Variants in CDK13 observed in about 807,000 individuals in gnomAD.
CDK13 encodes cyclin-dependent kinase 13.
CDK13 carries 40 observed loss-of-function variants against 137.6 expected under a neutral mutation model. The ratio of observed to expected loss-of-function variants is 0.29; its 90% confidence interval spans 0.23 to 0.38. CDK13 has a LOEUF of 0.38. Ranked by LOEUF, CDK13 falls within the 10% of genes least tolerant of loss-of-function variation. The pLI is 1.00. For missense variants in CDK13, 1,704 were observed against 1,951.8 expected (o/e 0.87, Z 2.39); for synonymous variants, 869 against 760.1 (o/e 1.14, Z -2.36).
At chr7:39,997,458 TTTTTG>T (rs1270676608) in intron 2 of CDK13, 31 bp from the exon 3 acceptor site, 1 of 1,555,512 alleles carries the variant, frequency 6.4e-7, no homozygotes, top group Non-Finnish European at 8.7e-7. Context: ...GTCAACAAAA[TTTTTG>T]TTTTATTTGT....
intron 1 of CDK13, among the ~76,000 whole-genome samples, chr7:39,969,113 G>T (rs574097297): frequency 6.6e-6 from 1 of 152,006 alleles, no homozygotes; most frequent in Admixed American, 6.6e-5. Flanking sequence ...AGGTTCAAGC[G>T]ATTCCCCTGT....
intron 9 of CDK13, among the ~76,000 whole-genome samples, chr7:40,075,786 A>T (rs1786532961): frequency 6.6e-6 from 1 of 152,076 alleles, no homozygotes; most frequent in African/African-American, 2.4e-5. Flanking sequence ...AGGTGGGAGG[A>T]TCACTTGAAG....
chr7:40,028,696 T>C (rs1442042242), intron 5 of CDK13, among the ~76,000 whole-genome samples: 1 of 152,210 alleles, frequency 6.6e-6, no homozygotes, highest in African/African-American at 2.4e-5. Context: ...CAACTTTTAT[T>C]GAATTTTAAA....
intron 5 of CDK13, among the ~76,000 whole-genome samples, chr7:40,029,612 C>T (rs1003125610): frequency 1.3e-5 from 2 of 150,344 alleles, no homozygotes; most frequent in East Asian, 2.0e-4. Flanking sequence ...TTCAGTTTCT[C>T]GGGAGGCTGA....
intron 5 of CDK13, among the ~76,000 whole-genome samples, chr7:40,030,043 C>G (rs950396278): frequency 3.9e-5 from 6 of 152,106 alleles, no homozygotes; most frequent in East Asian, 3.9e-4. Flanking sequence ...CATCCCCTAC[C>G]CCTTTTGCTC....
In CDK13 at chr7:40,011,812, CT is replaced by C. The variant is rs543932842; in HGVS notation, c.2353+9784del. Among the ~76,000 whole-genome samples, 145 of 152,162 alleles carry C rather than the reference CT, an allele frequency of 9.5e-4. 2 individuals are homozygous for C. The highest frequency in any genetic ancestry group is 3.3e-3 in the Admixed American group (51 of 15,286). On this transcript the variant is annotated intron_variant, in intron 5 of 13. Transcript: ENST00000181839. ...GAACTTCATCAAAATTACTTTTGTC[CT>C]TTAGGTGGATACTATCATCAGCATG...
intron 1 of CDK13, among the ~76,000 whole-genome samples, chr7:39,961,487 T>C (rs1783723192): frequency 6.6e-6 from 1 of 152,082 alleles, no homozygotes; most frequent in Non-Finnish European, 1.5e-5. Flanking sequence ...TTGATCAACA[T>C]CTCCCTTTCC....
intron 1 of CDK13, among the ~76,000 whole-genome samples, chr7:39,983,113 G>T (rs1784264323): frequency 6.6e-6 from 1 of 152,274 alleles, no homozygotes; most frequent in South Asian, 2.1e-4. Context: ...GTCCTGAATG[G>T]TAATGCCTAG....
intron 1 of CDK13, among the ~76,000 whole-genome samples, chr7:39,978,822 A>G (rs190161053): frequency 1.3e-5 from 2 of 152,320 alleles, no homozygotes; most frequent in African/African-American, 2.4e-5. Flanking sequence ...TCTAGAGAGT[A>G]TGAGATTGAT....
At chr7:39,984,408 CA>C (rs1359399147) in intron 1 of CDK13, 5,391 of 96,050 alleles carry the variant, frequency 0.056, 107 homozygotes, top group African/African-American at 0.11. Context: ...GACCCTGTTT[CA>C]AAAAAAAAAA....
chr7:40,078,802 C>T lies in CDK13; in HGVS notation c.2980C>T (p.Gln994Ter). 6.5e-7 allele frequency: 1 copy of T among 1,536,192 alleles called. No individual in the cohort carries two copies. The highest frequency in any genetic ancestry group is 8.8e-7 in the Non-Finnish European group (1 of 1,137,522). The change falls in exon 11 of 14, where the codon CAG (glutamine) becomes TAG (stop). Residue 994 changes from glutamine (Q) to a stop codon, truncating the protein, a stop_gained. Coordinates refer to ENST00000181839, the MANE Select transcript of CDK13 (RefSeq NM_003718.5). LOFTEE classifies it high-confidence loss of function. ...SKRCTAEQAL[Q>*]CEFLRDVEPS... ...GCGCTGCACTGCTGAACAGGCTCTT[C>T]AGTGCGAGTTCCTCCGAGATGTGGA...
At chr7:39,974,986 GTAGT>G (rs758336344) in intron 1 of CDK13, among the ~76,000 whole-genome samples, 2 of 152,070 alleles carry the variant, frequency 1.3e-5, no homozygotes, top group African/African-American at 2.4e-5. Flanking sequence ...TATTCGCAAA[GTAGT>G]TAGCTGCAGA....
At chr7:40,019,828 A>G (rs566989287) in intron 5 of CDK13, among the ~76,000 whole-genome samples, 58 of 152,240 alleles carry the variant, frequency 3.8e-4, no homozygotes, top group African/African-American at 1.4e-3. Context: ...ACCCAGAGAT[A>G]AGGGCAGGGT....
rs752420278 is a variant in CDK13 at position 40,096,771 on chromosome 7, G to A, written c.*1791G>A. The A allele has an allele frequency of 3.9e-5, 6 of 152,162 alleles. No individual in the cohort carries two copies. Among genetic ancestry groups the A allele is most frequent in the Non-Finnish European group, 8.8e-5 (6 of 67,964 alleles). The allele number at this position is 152,162 out of a possible 1,614,324, so 9.4% of individuals were successfully genotyped here. On this transcript the variant is annotated 3_prime_UTR_variant, in exon 14 of 14. Coordinates refer to ENST00000181839, the MANE Select transcript of CDK13 (RefSeq NM_003718.5). ...TTACCATTTTACTACTATAAAATAAGTTGATATCAGTTGACCATTTTATTT... is the reference window on the plus strand; with the variant it reads ...TTACCATTTTACTACTATAAAATAAATTGATATCAGTTGACCATTTTATTT...
chr7:39,966,545 TG>T (rs1783875960), intron 1 of CDK13, among the ~76,000 whole-genome samples: 1 of 152,162 alleles, frequency 6.6e-6, no homozygotes, highest in South Asian at 2.1e-4. Flanking sequence ...TTCTTTGCCA[TG>T]GGTTCGAATT....
intron 5 of CDK13, among the ~76,000 whole-genome samples, chr7:40,041,582 TGTGGCTA>T (rs895296087): frequency 6.6e-6 from 1 of 152,210 alleles, no homozygotes; most frequent in African/African-American, 2.4e-5. Context: ...ATTAGCCACA[TGTGGCTA>T]GTGGCTAGTA....
intron 1 of CDK13, among the ~76,000 whole-genome samples, chr7:39,980,386 A>G (rs1009838966): frequency 1.3e-5 from 2 of 151,738 alleles, no homozygotes; most frequent in African/African-American, 2.4e-5. Flanking sequence ...AATTTGAAAC[A>G]AGGAGATGAA....
At chr7:40,082,760 C>G (rs1786694747) in intron 11 of CDK13, among the ~76,000 whole-genome samples, 3 of 147,094 alleles carry the variant, frequency 2.0e-5, no homozygotes, top group Non-Finnish European at 4.5e-5. Flanking sequence ...CGCTGCACTC[C>G]AGCCTGGGTG....
At chr7:39,959,411 T>G (rs13241453) in intron 1 of CDK13, among the ~76,000 whole-genome samples, 40,558 of 151,840 alleles carry the variant, frequency 0.27, 6,573 homozygotes, top group Middle Eastern at 0.44. Flanking sequence ...TCCACCCGCT[T>G]CAGCCTCCCA....
Sources: gnomAD v4.1 joint callset for allele counts (sites outside exome capture counted in the v4.1 genomes callset) on GRCh38, gnomAD v4.1.1 for gene constraint, MANE v1.5 for transcripts, NCBI Gene and HGNC (gene_info 2026-07-23, HGNC 2026-07-21) for gene names.